The following CFI variants were observed in gnomAD, a reference collection of about 807,000 sequenced individuals.
CFI encodes the protein C3B/C4B inactivator.
Under a neutral mutation model 78.8 loss-of-function variants are expected in CFI, and 66 were observed. The observed-to-expected ratio is 0.84, with a 90% CI of 0.69 to 1.03. The LOEUF is 1.03. CFI is among the 50% of genes least tolerant of loss of function. The pLI is 0.00. For missense variants in CFI, 706 were observed against 704.5 expected (o/e 1.00, Z -0.02); for synonymous variants, 250 against 232.6 (o/e 1.07, Z -0.68).
the CFI span, among the ~76,000 whole-genome samples, chr4:109,732,586 G>A: frequency 0.073 from 11,069 of 152,100 alleles, 497 homozygotes; most frequent in African/African-American, 0.12. Flanking sequence ...GGCCGGGTGC[G>A]GTGGCTCACG....
At chr4:109,800,916 T>A (rs1387541160) in intron 1 of CFI, among the ~76,000 whole-genome samples, 1 of 152,214 alleles carries the variant, frequency 6.6e-6, no homozygotes, top group Non-Finnish European at 1.5e-5. Flanking sequence ...GTCTTATTAA[T>A]AAGCATTTAG....
At chr4:109,742,753 T>C (rs1490854577) in intron 11 of CFI, among the ~76,000 whole-genome samples, 158 bp from the exon 12 acceptor site, 1 of 152,214 alleles carries the variant, frequency 6.6e-6, no homozygotes, top group Non-Finnish European at 1.5e-5. Context: ...TCATATCATA[T>C]GTCTATTTCT....
chr4:109,746,594 A>G lies in CFI; in HGVS notation c.1149-92T>C, dbSNP rs1293107381. On this transcript the variant is annotated intron_variant, in intron 10 of 12. Coordinates refer to ENST00000394634, the MANE Select transcript of CFI (RefSeq NM_000204.5). ...CACTTTTATATTTTTCCCTTTTAAA[A>G]ACCTTTTTCATTTCCCCAGAATTTT... The G allele has an allele frequency of 3.6e-6, 4 of 1,103,946 alleles. No homozygotes were observed. In the African/African-American group the frequency reaches 6.4e-5, roughly 18 times the overall value. 68.4% of individuals were successfully genotyped at this position (1,103,946 alleles called of 1,614,324 possible).
At chr4:109,768,174 C>T (rs1468568338) in intron 1 of CFI, among the ~76,000 whole-genome samples, 2 of 149,458 alleles carry the variant, frequency 1.3e-5, no homozygotes, top group African/African-American at 4.9e-5. Context: ...GGAGATATAC[C>T]TAATGTTAAA....
chr4:109,748,437 T>C (rs1275527114), intron 10 of CFI, among the ~76,000 whole-genome samples: 2 of 152,124 alleles, frequency 1.3e-5, no homozygotes, highest in Non-Finnish European at 2.9e-5. Flanking sequence ...TGTTCTACCA[T>C]GAAAAGTGAG....
chr4:109,753,342 ATATT>A lies in CFI; in HGVS notation c.905-843_905-840del, dbSNP rs1725511916. On this transcript the variant is annotated intron_variant, in intron 7 of 12. Coordinates refer to ENST00000394634, the MANE Select transcript of CFI (RefSeq NM_000204.5). ...TTTATTATATAAATATTTATAATAT[ATATT>A]TATTATATAATAAATATTTATAATA... Among the ~76,000 whole-genome samples, 3 of 6,120 alleles carry A rather than the reference ATATT, an allele frequency of 4.9e-4. 1 individual carries two copies. The highest frequency in any genetic ancestry group is 6.0e-4 in the Non-Finnish European group (1 of 1,660). The allele number at this position is 6,120 out of a possible 152,430, so 4.0% of individuals were successfully genotyped here. A position where few individuals can be genotyped will look rare whatever the true frequency, so the allele number is the denominator to read the frequency against.
intron 1 of CFI, among the ~76,000 whole-genome samples, chr4:109,774,255 A>C: frequency 6.6e-6 from 1 of 152,320 alleles, no homozygotes; most frequent in East Asian, 1.9e-4. Context: ...TAAACAGTAA[A>C]TATATAAGAT....
chr4:109,757,794 C>CA lies in CFI; in HGVS notation c.884-12dup, dbSNP rs2126209888. The CA allele has an allele frequency of 6.9e-7, 1 of 1,449,122 alleles. No homozygotes were observed. Among genetic ancestry groups the CA allele is most frequent in the Non-Finnish European group, 9.5e-7 (1 of 1,049,548 alleles). 89.8% of individuals were successfully genotyped at this position (1,449,122 alleles called of 1,614,324 possible). On this transcript the variant is annotated splice_polypyrimidine_tract_variant and intron_variant, in intron 6 of 12. Transcript: ENST00000394634. ...TCACAGATGCAAAGCCTGAAGAAAA[C>CA]AAAAACAAAAAATTTATCAAAGGAT...
intron 7 of CFI, among the ~76,000 whole-genome samples, chr4:109,755,957 T>C (rs1726078712): frequency 6.6e-6 from 1 of 151,972 alleles, no homozygotes; most frequent in Non-Finnish European, 1.5e-5. Flanking sequence ...ACAAATTAGA[T>C]GAACACACAG....
In CFI at chr4:109,758,060, T is replaced by C. The variant is rs138562409; in HGVS notation, c.884-277A>G. 341 of 834,972 alleles carry C rather than the reference T, an allele frequency of 4.1e-4. 1 individual carries two copies. The African/African-American group carries it at 5.1e-3, about 12-fold the overall frequency. The allele number at this position is 834,972 out of a possible 1,614,324, so 51.7% of individuals were successfully genotyped here. On this transcript the variant is annotated intron_variant, in intron 6 of 12. Transcript: ENST00000394634. ...ATTTCAGACTAGTACAACTTAATAG[T>C]TAGAAGCATTACTAAAATGCAAAGG...
chr4:109,795,873 G>A (rs763937956), intron 1 of CFI, among the ~76,000 whole-genome samples: 37 of 152,034 alleles, frequency 2.4e-4, no homozygotes, highest in Admixed American at 2.2e-3. Flanking sequence ...TCAAGCCAAC[G>A]AATGAATGCA....
chr4:109,749,619 G>C lies in CFI; in HGVS notation c.941-17C>G. 6.8e-7 allele frequency: 1 copy of C among 1,475,452 alleles called. No homozygotes were observed. Among genetic ancestry groups the C allele is most frequent in the Non-Finnish European group, 9.5e-7 (1 of 1,054,014 alleles). The allele number at this position is 1,475,452 out of a possible 1,614,324, so 91.4% of individuals were successfully genotyped here. On this transcript the variant is annotated splice_polypyrimidine_tract_variant and intron_variant, in intron 8 of 12. Transcript: ENST00000394634. Reference sequence around the variant, plus strand: ...GTCTTCTTTCTTCAAGAAAGGAAGAGATTACATCATTATTATCTTGAACCC... The same window carrying C: ...GTCTTCTTTCTTCAAGAAAGGAAGACATTACATCATTATTATCTTGAACCC...
intron 1 of CFI, among the ~76,000 whole-genome samples, chr4:109,798,032 C>A (rs1188566599): frequency 1.3e-5 from 2 of 152,064 alleles, no homozygotes; most frequent in African/African-American, 4.8e-5. Flanking sequence ...CCATTTGTGA[C>A]AATATGGATG....
chr4:109,767,934 A>G (rs1727992050), intron 1 of CFI, among the ~76,000 whole-genome samples: 3 of 152,250 alleles, frequency 2.0e-5, no homozygotes, highest in Non-Finnish European at 2.9e-5. Flanking sequence ...TATATACACC[A>G]TGGAATACTA....
the CFI span, among the ~76,000 whole-genome samples, chr4:109,732,774 G>A: frequency 2.6e-5 from 4 of 151,180 alleles, no homozygotes; most frequent in South Asian, 2.1e-4. Context: ...GGTGAATGGC[G>A]TGAACCCGGG....
At chr4:109,766,454 T>A (rs549915728) in intron 2 of CFI, 100 bp downstream of exon 2, 1 of 1,428,862 alleles carries the variant, frequency 7.0e-7, no homozygotes, top group Non-Finnish European at 9.8e-7. Context: ...TTTTGAGTTG[T>A]CATCATAACA....
intron 1 of CFI, among the ~76,000 whole-genome samples, chr4:109,781,061 G>A (rs527616663): frequency 3.9e-4 from 59 of 152,222 alleles, no homozygotes; most frequent in East Asian, 2.7e-3. Context: ...ACAAGTTAAC[G>A]TGTGCAGCAC....
downstream of CFI, among the ~76,000 whole-genome samples, chr4:109,738,627 A>G (rs981940841): frequency 3.9e-5 from 6 of 152,156 alleles, no homozygotes; most frequent in Admixed American, 3.9e-4. Flanking sequence ...AGAGAAGGCC[A>G]TGCAGGTTCT....
the CFI span, among the ~76,000 whole-genome samples, chr4:109,731,558 A>G: frequency 6.6e-6 from 1 of 152,186 alleles, no homozygotes; most frequent in African/African-American, 2.4e-5. Flanking sequence ...CATTCAGAAC[A>G]CTACTTTACA....
Sources: allele counts gnomAD v4.1 joint callset (sites outside exome capture counted in the v4.1 genomes callset), GRCh38; gene constraint gnomAD v4.1.1; transcripts MANE v1.5; gene names NCBI Gene and HGNC (gene_info 2026-07-23, HGNC 2026-07-21).